The following TRAPPC12 variants were observed in gnomAD, a reference collection of about 807,000 sequenced individuals.
TRAPPC12 encodes the protein TPR repeat protein 15.
TRAPPC12 carries 61 observed loss-of-function variants against 69.2 expected under a neutral mutation model. The observed-to-expected ratio is 0.88, with a 90% CI of 0.72 to 1.09. TRAPPC12 has a LOEUF of 1.09. Ranked by LOEUF, TRAPPC12 falls within the 50% of genes least tolerant of loss-of-function variation. TRAPPC12 has a pLI of 0.00. For missense variants in TRAPPC12, 1,101 were observed against 1,016.4 expected (o/e 1.08, Z -1.13); for synonymous variants, 469 against 438.9 (o/e 1.07, Z -0.86).
intron 5 of TRAPPC12, among the ~76,000 whole-genome samples, chr2:3,442,385 T>C (rs1297971830): frequency 6.6e-6 from 1 of 152,320 alleles, no homozygotes. Flanking sequence ...GGCTTACATA[T>C]AACTTACCAT....
At chr2:3,475,133 T>C (rs890237001) in intron 9 of TRAPPC12, among the ~76,000 whole-genome samples, 1 of 152,236 alleles carries the variant, frequency 6.6e-6, no homozygotes, top group South Asian at 2.1e-4. Flanking sequence ...TCTTGCTCTG[T>C]CTGCCAGGCT....
chr2:3,387,620 G>T lies in TRAPPC12; in HGVS notation c.-4G>T. The T allele has an allele frequency of 6.5e-7, 1 of 1,531,320 alleles. No individual in the cohort carries two copies. The highest frequency in any genetic ancestry group is 8.8e-7 in the Non-Finnish European group (1 of 1,135,158). 94.9% of individuals were successfully genotyped at this position (1,531,320 alleles called of 1,614,324 possible). A position where few individuals can be genotyped will look rare whatever the true frequency, so the allele number is the denominator to read the frequency against. On this transcript the variant is annotated splice_region_variant and 5_prime_UTR_variant, in exon 2 of 12. Coordinates refer to ENST00000324266, the MANE Select transcript of TRAPPC12 (RefSeq NM_016030.6). ...GCCTTCTCTCTGTCTTTGCTTTCAGGGTCATGGAGGACGCTGGCGGCGGCG... is the reference window on the plus strand; with the variant it reads ...GCCTTCTCTCTGTCTTTGCTTTCAGTGTCATGGAGGACGCTGGCGGCGGCG...
chr2:3,457,361 G>C, intron 6 of TRAPPC12: 1 of 490,624 alleles, frequency 2.0e-6, no homozygotes, highest in Non-Finnish European at 3.8e-6. Context: ...CTGGGTGATG[G>C]CTTCAATCGT....
chr2:3,382,204 G>T (rs1331597384), intron 1 of TRAPPC12, among the ~76,000 whole-genome samples: 2 of 137,626 alleles, frequency 1.5e-5, no homozygotes, highest in Non-Finnish European at 3.0e-5. Context: ...GCACGATCTT[G>T]GCTCACTGCA....
Position 3,478,912 on chromosome 2 carries a change from G to C in TRAPPC12, c.1944G>C (p.Arg648Ser). Residue 648 changes from arginine to serine, a missense_variant, in exon 11 of 12, where the codon AGG (arginine) becomes AGC (serine). Transcript: ENST00000324266. ...EAHRFFTEIL[R>S]MDPRNAVANN... Reference sequence around the variant, plus strand: ...ACAGGTTCTTCACAGAGATCTTAAGGATGGATCCAAGAAACGCAGTGGTAA... The same window carrying C: ...ACAGGTTCTTCACAGAGATCTTAAGCATGGATCCAAGAAACGCAGTGGTAA... 1 of 1,614,172 alleles carries C rather than the reference G, an allele frequency of 6.2e-7. No homozygotes were observed. Among genetic ancestry groups the C allele is most frequent in the Non-Finnish European group, 8.5e-7 (1 of 1,180,050 alleles).
Position 3,424,425 on chromosome 2 carries a change from A to G in TRAPPC12, c.1279-100A>G. 4.1e-6 allele frequency: 4 copies of G among 979,512 alleles called. No homozygotes were observed. The Middle Eastern group carries it at 6.7e-4, about 164-fold the overall frequency. The allele number at this position is 979,512 out of a possible 1,614,324, so 60.7% of individuals were successfully genotyped here. ...AAGTTAGGTTAGCCCTTATTTTAAT[A>G]TATGAGAAATTAACCTCTAACACCA... is the stretch of plus-strand genomic sequence containing the variant. On this transcript the variant is annotated intron_variant, in intron 4 of 11. Coordinates refer to ENST00000324266, the MANE Select transcript of TRAPPC12 (RefSeq NM_016030.6).
intron 3 of TRAPPC12, among the ~76,000 whole-genome samples, chr2:3,420,225 G>A (rs77376547): frequency 1.4e-4 from 22 of 152,268 alleles, no homozygotes; most frequent in Non-Finnish European, 2.5e-4. Context: ...AAGACCTGGA[G>A]GAAACTGAGA....
intron 3 of TRAPPC12, among the ~76,000 whole-genome samples, chr2:3,411,660 G>A (rs1271389044): frequency 2.0e-5 from 3 of 152,102 alleles, no homozygotes; most frequent in East Asian, 3.9e-4. Flanking sequence ...TATATATTTA[G>A]CATTTCCCCA....
intron 2 of TRAPPC12, among the ~76,000 whole-genome samples, chr2:3,390,386 T>TAGGA (rs1283702918): frequency 2.6e-5 from 4 of 152,190 alleles, no homozygotes; most frequent in African/African-American, 9.7e-5. Context: ...ATTCCACTCT[T>TAGGA]AGGAATGTAT....
chr2:3,448,940 G>A (rs558567724), intron 6 of TRAPPC12, among the ~76,000 whole-genome samples: 2 of 152,340 alleles, frequency 1.3e-5, no homozygotes, highest in African/African-American at 4.8e-5. Flanking sequence ...TTTTAGATTA[G>A]AACAGTGTTG....
intron 8 of TRAPPC12, among the ~76,000 whole-genome samples, chr2:3,463,460 TCA>T (rs1447703641): frequency 6.6e-6 from 1 of 151,320 alleles, no homozygotes; most frequent in East Asian, 1.9e-4. Flanking sequence ...CAGCTTCCTC[TCA>T]CACGGCTCCC....
chr2:3,459,831 C>T, intron 7 of TRAPPC12: 1 of 292,062 alleles, frequency 3.4e-6, no homozygotes, highest in Non-Finnish European at 6.6e-6. Flanking sequence ...GTGGGGCCCT[C>T]CGGGTGGCCT....
rs201905422 is a variant in TRAPPC12 at position 3,421,870 on chromosome 2, G to A, written c.1165-11G>A. ...TGTGTGTTTGGTCACATGTTCTGCCGTGTCTTGCAGAGCTGCAGAAACTGG... is the reference window on the plus strand; with the variant it reads ...TGTGTGTTTGGTCACATGTTCTGCCATGTCTTGCAGAGCTGCAGAAACTGG... On this transcript the variant is annotated splice_polypyrimidine_tract_variant and intron_variant, in intron 3 of 11. Transcript: ENST00000324266. 3.7e-5 allele frequency: 60 copies of A among 1,611,564 alleles called. No homozygotes were observed. Among genetic ancestry groups the A allele is most frequent in the Admixed American group, 1.3e-4 (8 of 60,012 alleles).
chr2:3,426,537 A>G (rs1156421814), intron 5 of TRAPPC12, among the ~76,000 whole-genome samples: 1 of 152,222 alleles, frequency 6.6e-6, no homozygotes, highest in African/African-American at 2.4e-5. Flanking sequence ...GGCCTGGCCA[A>G]CAGGTGGAGG....
At chr2:3,415,115 A>G (rs943555822) in intron 3 of TRAPPC12, among the ~76,000 whole-genome samples, 1 of 152,144 alleles carries the variant, frequency 6.6e-6, no homozygotes, top group African/African-American at 2.4e-5. Flanking sequence ...GTGTGTATGT[A>G]CAGACAGTCC....
At chr2:3,479,129 G>T in intron 11 of TRAPPC12, 90 bp from the exon 12 acceptor site, 1 of 1,558,856 alleles carries the variant, frequency 6.4e-7, no homozygotes, top group Non-Finnish European at 8.7e-7. Flanking sequence ...ACCACCCCCA[G>T]GCCCCTAACA....
At position 3,388,034 on chromosome 2, in the gene TRAPPC12, C is replaced by T. The variant is rs1310105872; in HGVS notation, c.411C>T (p.Arg137=). Residue 137 remains arginine, a synonymous_variant, in exon 2 of 12, where the codon CGC becomes CGT. Transcript: ENST00000324266. ...SGGAPRQDAA[R]EVPGSEAARP... ...GGGCCCCGAGGCAGGACGCGGCCCG[C>T]GAGGTCCCAGGCAGCGAAGCCGCGC... is the stretch of plus-strand genomic sequence containing the variant. 2 of 1,482,448 alleles carry T rather than the reference C, an allele frequency of 1.3e-6. No homozygotes were observed. Among genetic ancestry groups the T allele is most frequent in the East Asian group, 2.8e-5 (1 of 36,332 alleles). The allele number at this position is 1,482,448 out of a possible 1,614,324, so 91.8% of individuals were successfully genotyped here.
chr2:3,390,582 G>A (rs1333519287), intron 2 of TRAPPC12, among the ~76,000 whole-genome samples: 1 of 152,204 alleles, frequency 6.6e-6, no homozygotes, highest in Non-Finnish European at 1.5e-5. Context: ...CAGGGGTTAG[G>A]GGGAGGAAGG....
rs367769506 is a variant in TRAPPC12, at chr2:3,388,386, G to A, written c.763G>A (p.Gly255Arg). ...CAGCCCGCCTCCCCTCGCTGTGCCCGGGACCGAGGGGCGCCCCGAACCCGT... is the reference window on the plus strand; with the variant it reads ...CAGCCCGCCTCCCCTCGCTGTGCCCAGGACCGAGGGGCGCCCCGAACCCGT... ...PASPPPLAVPGTEGRPEPVAM... is the reference protein window; with the variant it reads ...PASPPPLAVPRTEGRPEPVAM... Residue 255 changes from glycine (G) to arginine (R), a missense_variant, in exon 2 of 12, where the codon GGG (glycine) becomes AGG (arginine). By Grantham distance (125) the Gly-to-Arg change is moderately radical. Transcript: ENST00000324266. 175 of 1,602,952 alleles carry A rather than the reference G, an allele frequency of 1.1e-4. No individual in the cohort carries two copies. In the East Asian group the frequency reaches 2.4e-3, roughly 22 times the overall value.
Sources: allele counts gnomAD v4.1 joint callset (sites outside exome capture counted in the v4.1 genomes callset), GRCh38; gene constraint gnomAD v4.1.1; transcripts MANE v1.5; gene names NCBI Gene and HGNC (gene_info 2026-07-23, HGNC 2026-07-21).